Variants in GPR85 observed in about 807,000 individuals in gnomAD.
GPR85 encodes probable G protein-coupled receptor 85.
Under a neutral mutation model 21.3 loss-of-function variants are expected in GPR85, and 7 were observed. The ratio of observed to expected loss-of-function variants is 0.33; its 90% CI spans 0.19 to 0.62. The LOEUF is 0.62. GPR85 is among the 20% of genes least tolerant of loss of function. The probability of loss-of-function intolerance (pLI) is 0.80; values close to 1 mark genes in which losing one functional copy is unlikely to be tolerated. For synonymous variants in GPR85, 167 were observed against 166.1 expected (o/e 1.01, Z -0.04); for missense variants, 299 against 443.8 (o/e 0.67, Z 2.93).
intron 2 of GPR85, among the ~76,000 whole-genome samples, chr7:113,085,361 T>A (rs1345305869): frequency 6.6e-6 from 1 of 152,250 alleles, no homozygotes; most frequent in East Asian, 1.9e-4. Context: ...TCATGCTGCA[T>A]AAGAGTATTT....
At position 113,086,426 on chromosome 7, in the gene GPR85, T is replaced by TTTTTTTTTTTTTTTTTTTTTTTTTG. The variant is rs1794299341; in HGVS notation, c.-394_-393insCAAAAAAAAAAAAAAAAAAAAAAAA. On this transcript the variant is annotated 5_prime_UTR_variant, in exon 1 of 3. It removes the in-frame stop codon of an upstream open reading frame in the 5' UTR. Coordinates refer to ENST00000424100, the MANE Select transcript of GPR85 (RefSeq NM_001146267.2). ...TTTTTTTTTTTTTTTTGTTTTTTGT[T>TTTTTTTTTTTTTTTTTTTTTTTTTG]TTTTTTTTTTTTTTTTTTGCCTTAG... 1 of 99,924 alleles carries TTTTTTTTTTTTTTTTTTTTTTTTTG rather than the reference T, an allele frequency of 1.0e-5. No individual in the cohort carries two copies. Among genetic ancestry groups the TTTTTTTTTTTTTTTTTTTTTTTTTG allele is most frequent in the African/African-American group, 4.2e-5 (1 of 23,606 alleles). The allele number at this position is 99,924 out of a possible 1,614,324, so 6.2% of individuals were successfully genotyped here.
intron 2 of GPR85, among the ~76,000 whole-genome samples, chr7:113,085,621 T>C (rs2115769874): frequency 6.6e-6 from 1 of 152,316 alleles, no homozygotes; most frequent in South Asian, 2.1e-4. Flanking sequence ...GAATATAACA[T>C]GAACCTGTAT....
chr7:113,085,807 C>G (rs561487843), intron 2 of GPR85, among the ~76,000 whole-genome samples, 185 bp downstream of exon 2: 1 of 152,222 alleles, frequency 6.6e-6, no homozygotes, highest in African/African-American at 2.4e-5. Flanking sequence ...CTCACTGGCC[C>G]GGAATATGCT....
intron 1 of GPR85, 72 bp from the exon 2 acceptor site, chr7:113,086,181 C>CAGAG (rs1554401656): frequency 1.4e-5 from 1 of 73,352 alleles, no homozygotes; most frequent in Non-Finnish European, 2.5e-5. Context: ...CACACACACA[C>CAGAG]ACACACACAC....
upstream of GPR85, chr7:113,087,368 C>G (rs930035972): frequency 1.9e-5 from 3 of 154,346 alleles, no homozygotes; most frequent in Non-Finnish European, 4.4e-5. Flanking sequence ...GTTATGTGTA[C>G]GAGTTTCCTT....
chr7:113,082,923 CA>C lies in GPR85; in HGVS notation c.*685del, dbSNP rs1276258046. On this transcript the variant is annotated 3_prime_UTR_variant, in exon 3 of 3. Coordinates refer to ENST00000424100, the MANE Select transcript of GPR85 (RefSeq NM_001146267.2). Reference sequence around the variant, plus strand: ...TTGGAAAAACTTTATACCAAATCAACAAAAACCACATAATACAGTTCAATGC... The same window carrying C: ...TTGGAAAAACTTTATACCAAATCAACAAAACCACATAATACAGTTCAATGC... 1 of 152,508 alleles carries C rather than the reference CA, an allele frequency of 6.6e-6. No individual in the cohort carries two copies. The allele number at this position is 152,508 out of a possible 1,614,324, so 9.4% of individuals were successfully genotyped here.
upstream of GPR85, among the ~76,000 whole-genome samples, chr7:113,087,032 G>C (rs1049036500): frequency 1.3e-5 from 2 of 152,086 alleles, no homozygotes; most frequent in Admixed American, 6.5e-5. Flanking sequence ...AAGAAAAAAA[G>C]TTATTTATTT....
chr7:113,084,242 C>A lies in GPR85; in HGVS notation c.480G>T (p.Val160=), dbSNP rs767599905. The change falls in exon 3 of 3, where the codon GTG becomes GTT. Residue 160 remains valine, a synonymous_variant. Coordinates refer to ENST00000424100, the MANE Select transcript of GPR85 (RefSeq NM_001146267.2). ...VAMAFPPVLD[V]GTYSFIREED... is the part of the protein sequence containing the mutation. ...CCTCCCTAATGAATGAGTAAGTGCC[C>A]ACGTCTAAAACCGGGGGAAATGCCA... 6.2e-7 allele frequency: 1 copy of A among 1,613,908 alleles called. No homozygotes were observed.
chr7:113,083,683 T>C lies in GPR85; in HGVS notation c.1039A>G (p.Arg347Gly). ...FVCIFSNREL[R>G]RCFSTTLLYC... ...AGAAGGGTTGTGCTGAAACAGCGCC[T>C]CAGCTCCCTGTTTGAGAAAATGCAG... is the stretch of plus-strand genomic sequence containing the variant. Residue 347 changes from arginine to glycine, a missense_variant, in exon 3 of 3, where the codon AGG (arginine) becomes GGG (glycine). Arg to Gly is a moderately radical substitution (Grantham distance 125). Coordinates refer to ENST00000424100, the MANE Select transcript of GPR85 (RefSeq NM_001146267.2). The surrounding 1 kb of genome is among the most constrained non-coding windows in gnomAD (Gnocchi z 4.4). 2 of 1,614,150 alleles carry C rather than the reference T, an allele frequency of 1.2e-6. No homozygotes were observed. The highest frequency in any genetic ancestry group is 1.7e-6 in the Non-Finnish European group (2 of 1,179,964).
chr7:113,086,414 T>TGG lies in GPR85; in HGVS notation c.-382_-381insCC, dbSNP rs1562996852. ...TCTTTTTCTTTTTTTTTTTTTTTTTTTTGTTTTTTGTTTTTTTTTTTTTTT... is the reference window on the plus strand; with the variant it reads ...TCTTTTTCTTTTTTTTTTTTTTTTTTGGTTGTTTTTTGTTTTTTTTTTTTTTT... On this transcript the variant is annotated 5_prime_UTR_variant, in exon 1 of 3. An upstream open reading frame in the 5' UTR loses its in-frame stop. Coordinates refer to ENST00000424100, the MANE Select transcript of GPR85 (RefSeq NM_001146267.2). 1 of 84,480 alleles carries TGG rather than the reference T, an allele frequency of 1.2e-5. No individual in the cohort carries two copies. The highest frequency in any genetic ancestry group is 3.9e-4 in the South Asian group (1 of 2,540). The allele number at this position is 84,480 out of a possible 1,614,324, so 5.2% of individuals were successfully genotyped here. A position where few individuals can be genotyped will look rare whatever the true frequency, so the allele number is the denominator to read the frequency against.
rs1794287525 is a variant in GPR85 at position 113,086,399 on chromosome 7, T to TTTTTTTTTTTTTTTC, written c.-367_-366insGAAAAAAAAAAAAAA. 1 of 35,028 alleles carries TTTTTTTTTTTTTTTC rather than the reference T, an allele frequency of 2.9e-5. No homozygotes were observed. Among genetic ancestry groups the TTTTTTTTTTTTTTTC allele is most frequent in the Admixed American group, 3.7e-4 (1 of 2,718 alleles). 2.2% of individuals were successfully genotyped at this position (35,028 alleles called of 1,614,324 possible). On this transcript the variant is annotated 5_prime_UTR_variant, in exon 1 of 3. Coordinates refer to ENST00000424100, the MANE Select transcript of GPR85 (RefSeq NM_001146267.2). ...ATTTTTTTCTTTTTTTCTTTTTCTT[T>TTTTTTTTTTTTTTTC]TTTTTTTTTTTTTTTTTGTTTTTTG...
In GPR85 at chr7:113,083,238, CAACTT is replaced by C. The variant is rs565853282; in HGVS notation, c.*366_*370del. On this transcript the variant is annotated 3_prime_UTR_variant, in exon 3 of 3. Transcript: ENST00000424100. This position sits in a 1 kb window ranked among gnomAD's most constrained non-coding sequence, Gnocchi z 4.4. Reference sequence around the variant, plus strand: ...TTTTATCAACACATTTACCTCATGTCAACTTAATTTATTAAGATGTCCAATGCTAA... The same window carrying C: ...TTTTATCAACACATTTACCTCATGTCAATTTATTAAGATGTCCAATGCTAA... 6.0e-3 allele frequency: 1,022 copies of C among 169,674 alleles called. 8 individuals carry two copies. Among genetic ancestry groups the C allele is most frequent in the Non-Finnish European group, 8.6e-3 (685 of 79,764 alleles). 10.5% of individuals were successfully genotyped at this position (169,674 alleles called of 1,614,324 possible).
rs1794185028 is a variant in GPR85, at chr7:113,083,289, A to G, written c.*320T>C. On this transcript the variant is annotated 3_prime_UTR_variant, in exon 3 of 3. Coordinates refer to ENST00000424100, the MANE Select transcript of GPR85 (RefSeq NM_001146267.2). The surrounding 1 kb of genome is among the most constrained non-coding windows in gnomAD (Gnocchi z 4.4). ...GCTAATTGTTTTTTGATGTTTTTTCATATGTAGTGACATACAGAGCATTTA... is the reference window on the plus strand; with the variant it reads ...GCTAATTGTTTTTTGATGTTTTTTCGTATGTAGTGACATACAGAGCATTTA... 2 of 226,288 alleles carry G rather than the reference A, an allele frequency of 8.8e-6. No homozygotes were observed. The highest frequency in any genetic ancestry group is 1.8e-4 in the East Asian group (2 of 10,910). 14.0% of individuals were successfully genotyped at this position (226,288 alleles called of 1,614,324 possible). A position where few individuals can be genotyped will look rare whatever the true frequency, so the allele number is the denominator to read the frequency against.
At chr7:113,085,238 C>T (rs1343741101) in intron 2 of GPR85, among the ~76,000 whole-genome samples, 1 of 152,182 alleles carries the variant, frequency 6.6e-6, no homozygotes, top group African/African-American at 2.4e-5. Context: ...GAGGCAGAGA[C>T]ACTACCTACA....
Position 113,086,431 on chromosome 7 carries a change from T to TTTTTTTTTTTTTTTTTTTTTC in GPR85, c.-399_-398insGAAAAAAAAAAAAAAAAAAAA, listed in dbSNP as rs1414402156. 1 of 108,236 alleles carries TTTTTTTTTTTTTTTTTTTTTC rather than the reference T, an allele frequency of 9.2e-6. No individual in the cohort carries two copies. Among genetic ancestry groups the TTTTTTTTTTTTTTTTTTTTTC allele is most frequent in the East Asian group, 2.8e-4 (1 of 3,596 alleles). 6.7% of individuals were successfully genotyped at this position (108,236 alleles called of 1,614,324 possible). A position where few individuals can be genotyped will look rare whatever the true frequency, so the allele number is the denominator to read the frequency against. On this transcript the variant is annotated 5_prime_UTR_variant, in exon 1 of 3. Coordinates refer to ENST00000424100, the MANE Select transcript of GPR85 (RefSeq NM_001146267.2). ...TTTTTTTTTTTGTTTTTTGTTTTTT[T>TTTTTTTTTTTTTTTTTTTTTC]TTTTTTTTTTTTTGCCTTAGTGCCT...
At position 113,082,609 on chromosome 7, in the gene GPR85, A is replaced by G. The variant is rs1368293266; in HGVS notation, c.*1000T>C. On this transcript the variant is annotated 3_prime_UTR_variant, in exon 3 of 3. Coordinates refer to ENST00000424100, the MANE Select transcript of GPR85 (RefSeq NM_001146267.2). Reference sequence around the variant, plus strand: ...AGAAAGGGTAGCACACCGTAGAAGAAAATCTCATTATTTCAGTGATGTGCA... The same window carrying G: ...AGAAAGGGTAGCACACCGTAGAAGAGAATCTCATTATTTCAGTGATGTGCA... The G allele has an allele frequency of 2.6e-5, 4 of 152,592 alleles. No individual in the cohort carries two copies. The highest frequency in any genetic ancestry group is 9.7e-5 in the African/African-American group (4 of 41,450). The allele number at this position is 152,592 out of a possible 1,614,324, so 9.5% of individuals were successfully genotyped here.
Position 113,086,413 on chromosome 7 carries a change from T to C in GPR85, c.-380A>G. 1.1e-5 allele frequency: 1 copy of C among 90,484 alleles called. No homozygotes were observed. Among genetic ancestry groups the C allele is most frequent in the Admixed American group, 1.3e-4 (1 of 7,566 alleles). The allele number at this position is 90,484 out of a possible 1,614,324, so 5.6% of individuals were successfully genotyped here. A position where few individuals can be genotyped will look rare whatever the true frequency, so the allele number is the denominator to read the frequency against. On this transcript the variant is annotated 5_prime_UTR_variant, in exon 1 of 3. Transcript: ENST00000424100. ...TTCTTTTTCTTTTTTTTTTTTTTTT[T>C]TTTGTTTTTTGTTTTTTTTTTTTTT... is the stretch of plus-strand genomic sequence containing the variant.
Position 113,083,384 on chromosome 7 carries a change from G to A in GPR85, c.*225C>T. On this transcript the variant is annotated 3_prime_UTR_variant, in exon 3 of 3. Transcript: ENST00000424100. This position sits in a 1 kb window ranked among gnomAD's most constrained non-coding sequence, Gnocchi z 4.4. The stretch of plus-strand genomic sequence containing the variant: ...CCACATAAAGAAACTTAGGGCAGTG[G>A]TTCAGTCCCTTCTTAATTACAAACC... The A allele has an allele frequency of 1.9e-6, 1 of 520,592 alleles. No homozygotes were observed. Among genetic ancestry groups the A allele is most frequent in the East Asian group, 3.2e-5 (1 of 31,684 alleles). The allele number at this position is 520,592 out of a possible 1,614,324, so 32.2% of individuals were successfully genotyped here. A position where few individuals can be genotyped will look rare whatever the true frequency, so the allele number is the denominator to read the frequency against.
Position 113,083,691 on chromosome 7 carries a change from C to T in GPR85, c.1031G>A (p.Arg344Lys). Residue 344 changes from arginine (R) to lysine (K), a missense_variant, in exon 3 of 3, where the codon AGG becomes AAG. Arg to Lys is a conservative substitution (Grantham distance 26). Transcript: ENST00000424100. The surrounding 1 kb of genome is among the most constrained non-coding windows in gnomAD (Gnocchi z 4.4). ...TGTGCTGAAACAGCGCCTCAGCTCC[C>T]TGTTTGAGAAAATGCAGACAAAAGG... ...INPFVCIFSN[R>K]ELRRCFSTTL... 1 of 1,614,202 alleles carries T rather than the reference C, an allele frequency of 6.2e-7. No individual in the cohort carries two copies. The highest frequency in any genetic ancestry group is 8.5e-7 in the Non-Finnish European group (1 of 1,180,024).
Sources: allele counts gnomAD v4.1 joint callset (sites outside exome capture counted in the v4.1 genomes callset), GRCh38; gene constraint gnomAD v4.1.1; non-coding constraint Gnocchi (gnomAD v3.1); transcripts MANE v1.5; gene names NCBI Gene and HGNC (gene_info 2026-07-23, HGNC 2026-07-21).